The following CTNNA2 variants were observed in gnomAD, a reference collection of about 807,000 sequenced individuals.
CTNNA2 encodes catenin alpha-2.
A neutral mutation model predicts 101.0 loss-of-function variants in CTNNA2; 42 were observed. That is an observed-to-expected ratio of 0.42 (90% CI 0.32 to 0.54). CTNNA2 has a LOEUF of 0.54. Among genes scored for constraint, CTNNA2 ranks in the 20% least tolerant of loss-of-function variants. The pLI, the probability that CTNNA2 is intolerant of heterozygous loss-of-function variation, is 0.14. For synonymous variants in CTNNA2, 450 were observed against 456.4 expected (o/e 0.99, Z 0.18); for missense variants, 871 against 1,223.1 (o/e 0.71, Z 4.29).
intron 7 of CTNNA2, among the ~76,000 whole-genome samples, chr2:80,124,603 G>T (rs770949867): frequency 1.2e-4 from 18 of 152,102 alleles, no homozygotes; most frequent in Non-Finnish European, 1.5e-4. Flanking sequence ...TTGAAGTTGT[G>T]TGAAGACATT....
chr2:80,360,252 G>A (rs529583939), intron 7 of CTNNA2, among the ~76,000 whole-genome samples: 1 of 152,214 alleles, frequency 6.6e-6, no homozygotes, highest in African/African-American at 2.4e-5. Context: ...CTATTTCTAT[G>A]ATAAGTAACA....
At chr2:79,599,122 C>T (rs935413564) in intron 1 of CTNNA2, among the ~76,000 whole-genome samples, 13 of 151,958 alleles carry the variant, frequency 8.6e-5, no homozygotes, top group African/African-American at 1.2e-4. Context: ...TTTATGTGGG[C>T]CTATGTCTGG....
intron 4 of CTNNA2, among the ~76,000 whole-genome samples, chr2:79,428,812 T>C (rs1345865127): frequency 6.6e-6 from 1 of 152,122 alleles, no homozygotes; most frequent in African/African-American, 2.4e-5. Flanking sequence ...ACAGTCCCAA[T>C]AGACATTACA....
At chr2:79,738,076 G>A (rs1671025940) in intron 2 of CTNNA2, among the ~76,000 whole-genome samples, 1 of 152,190 alleles carries the variant, frequency 6.6e-6, no homozygotes, top group Non-Finnish European at 1.5e-5. Context: ...CATTGTGCAG[G>A]AGTGGTAGGT....
rs1234781172 is a variant in CTNNA2 at position 80,117,587 on chromosome 2, A to T, written c.1056+207790A>T. Among the ~76,000 whole-genome samples, 8 of 151,656 alleles carry T rather than the reference A, an allele frequency of 5.3e-5. No individual in the cohort carries two copies. The East Asian group carries it at 7.8e-4, about 15-fold the overall frequency. On this transcript the variant is annotated intron_variant, in intron 7 of 18. Transcript: ENST00000402739. The stretch of plus-strand genomic sequence containing the variant: ...TTTTGATGTGGGTGGATTTCTGCTG[A>T]TTTGTGGAAAGCTTCATGCCCCAAC...
intron 2 of CTNNA2, among the ~76,000 whole-genome samples, chr2:79,289,947 G>C (rs1222655100): frequency 6.6e-6 from 1 of 152,034 alleles, no homozygotes; most frequent in Non-Finnish European, 1.5e-5. Context: ...GCCTCTCTGT[G>C]CCTATATTTC....
At chr2:79,423,702 C>T (rs925202591) in intron 4 of CTNNA2, among the ~76,000 whole-genome samples, 5 of 152,102 alleles carry the variant, frequency 3.3e-5, no homozygotes, top group Non-Finnish European at 4.4e-5. Context: ...AATTATAGCA[C>T]GGCTTGTGGC....
At chr2:79,835,403 G>T (rs1271322603) in intron 3 of CTNNA2, among the ~76,000 whole-genome samples, 2 of 152,134 alleles carry the variant, frequency 1.3e-5, no homozygotes, top group Admixed American at 1.3e-4. Flanking sequence ...CAACATTTTA[G>T]TCATCGTTGA....
intron 9 of CTNNA2, among the ~76,000 whole-genome samples, chr2:80,462,729 C>G (rs1032399816): frequency 2.8e-4 from 40 of 142,584 alleles, no homozygotes; most frequent in Admixed American, 9.8e-4. Flanking sequence ...CATTCCTGGT[C>G]GAAAAGACAC....
chr2:79,776,576 G>C (rs573891768), intron 3 of CTNNA2, among the ~76,000 whole-genome samples: 1 of 152,084 alleles, frequency 6.6e-6, no homozygotes, highest in Non-Finnish European at 1.5e-5. Context: ...AAATATATCC[G>C]CACATTCAAG....
intron 1 of CTNNA2, among the ~76,000 whole-genome samples, chr2:79,561,490 A>C (rs901289208): frequency 5.3e-5 from 8 of 151,936 alleles, no homozygotes; most frequent in African/African-American, 1.9e-4. Context: ...GCTAAGTTCA[A>C]TTTTTTGAGC....
At chr2:79,491,556 T>G (rs1004051746) in intron 4 of CTNNA2, among the ~76,000 whole-genome samples, 1 of 152,172 alleles carries the variant, frequency 6.6e-6, no homozygotes, top group East Asian at 1.9e-4. Context: ...GTTGAAGGGC[T>G]TGGCTCTAGA....
At position 80,393,224 on chromosome 2, in the gene CTNNA2, A is replaced by G. The variant is rs772870147; in HGVS notation, c.1070A>G (p.Glu357Gly). ...TTTTCTTAATAGACTGGAAGGAAAGAAAAAGGAGATCCTCTCAACATTGCG... is the reference window on the plus strand; with the variant it reads ...TTTTCTTAATAGACTGGAAGGAAAGGAAAAGGAGATCCTCTCAACATTGCG... ...SEYMNNTGRK[E>G]KGDPLNIAID... The change falls in exon 8 of 19, where the codon GAA (glutamate) becomes GGA (glycine). Residue 357 changes from glutamate (E) to glycine (G), a missense_variant. Around this residue, in one of 5 missense-constraint regions of CTNNA2, gnomAD observed 647 missense variants for 831.5 expected, o/e 0.78. Transcript: ENST00000402739. 1.9e-6 allele frequency: 3 copies of G among 1,608,192 alleles called. No homozygotes were observed. Among genetic ancestry groups the G allele is most frequent in the Non-Finnish European group, 2.5e-6 (3 of 1,176,976 alleles).
chr2:79,671,473 T>A (rs902024245), intron 2 of CTNNA2, among the ~76,000 whole-genome samples: 1 of 151,118 alleles, frequency 6.6e-6, no homozygotes, highest in African/African-American at 2.4e-5. Context: ...GCACATAGTT[T>A]TGACCTAGAT....
At chr2:80,242,764 C>T (rs1383134662) in intron 7 of CTNNA2, among the ~76,000 whole-genome samples, 6 of 152,124 alleles carry the variant, frequency 3.9e-5, no homozygotes, top group African/African-American at 7.2e-5. Flanking sequence ...CAGTCTGGCC[C>T]GAGCTGTTCC....
intron 7 of CTNNA2, among the ~76,000 whole-genome samples, chr2:80,153,071 A>G (rs1275370331): frequency 6.6e-6 from 1 of 152,186 alleles, no homozygotes; most frequent in African/African-American, 2.4e-5. Flanking sequence ...CACCGTGGTG[A>G]AATTTGCAGC....
rs531942830 is a variant in CTNNA2 at position 79,220,793 on chromosome 2, T to C, written c.-406+22717T>C. ...GACCTTAGCCAAATTTTTAACTGTT[T>C]CACCAAATAATTAAAGCTTCACCTG... On this transcript the variant is annotated intron_variant, in intron 2 of 21. Transcript: ENST00000466387. Among the ~76,000 whole-genome samples, 7 of 152,322 alleles carry C rather than the reference T, an allele frequency of 4.6e-5. No homozygotes were observed. The South Asian group carries it at 1.4e-3, about 32-fold the overall frequency.
At chr2:79,608,817 G>A (rs139805917) in intron 1 of CTNNA2, among the ~76,000 whole-genome samples, 2 of 152,096 alleles carry the variant, frequency 1.3e-5, no homozygotes, top group African/African-American at 4.8e-5. Context: ...AAAGACAGAT[G>A]AGTCTTATAT....
intron 7 of CTNNA2, among the ~76,000 whole-genome samples, chr2:80,137,896 C>T (rs1702785469): frequency 6.6e-6 from 1 of 152,052 alleles, no homozygotes; most frequent in Non-Finnish European, 1.5e-5. Context: ...AACTGTTTTG[C>T]TGGGGGACAC....
Sources: allele counts gnomAD v4.1 joint callset (sites outside exome capture counted in the v4.1 genomes callset), GRCh38; gene constraint gnomAD v4.1.1; regional missense constraint gnomAD v4.1.1; transcripts MANE v1.5; gene names NCBI Gene and HGNC (gene_info 2026-07-23, HGNC 2026-07-21).